Variants in DSCAM observed in about 807,000 individuals in gnomAD.
The protein encoded by DSCAM is DS cell adhesion molecule.
Under a neutral mutation model 217.7 loss-of-function variants are expected in DSCAM, and 47 were observed. That is an observed-to-expected ratio of 0.22 (90% CI 0.17 to 0.28). The LOEUF (loss-of-function observed/expected upper bound fraction) is 0.28, where lower values mean the gene tolerates loss of function less well. Ranked by LOEUF, DSCAM falls within the 10% of genes least tolerant of loss-of-function variation. The pLI, the probability that DSCAM is intolerant of heterozygous loss-of-function variation, is 1.00. For missense variants in DSCAM, 2,080 were observed against 2,618.3 expected, an observed-to-expected ratio of 0.79 and a Z score of 4.49; for synonymous variants, 1,056 against 1,015.3, an observed-to-expected ratio of 1.04 and a Z score of -0.76.
intron 9 of DSCAM, among the ~76,000 whole-genome samples, chr21:40,298,361 G>T (rs545841966): frequency 6.6e-6 from 1 of 152,040 alleles, no homozygotes; most frequent in East Asian, 1.9e-4. Flanking sequence ...GATTACAGGC[G>T]TGAGCCACTG....
chr21:40,147,310 T>TG (rs920064920), intron 16 of DSCAM, among the ~76,000 whole-genome samples: 24 of 152,278 alleles, frequency 1.6e-4, no homozygotes, highest in Admixed American at 4.6e-4. Context: ...TCCTCCAGTT[T>TG]GGGGGGATTA....
intron 16 of DSCAM, among the ~76,000 whole-genome samples, chr21:40,149,891 G>C (rs182672691): frequency 1.5e-5 from 2 of 137,212 alleles, no homozygotes; most frequent in African/African-American, 2.9e-5. Context: ...TCACTATAAC[G>C]ACAACCATCC....
intron 3 of DSCAM, among the ~76,000 whole-genome samples, chr21:40,433,144 G>A (rs1716822708): frequency 1.3e-5 from 2 of 151,986 alleles, no homozygotes; most frequent in African/African-American, 4.8e-5. Context: ...GAATCACGAG[G>A]TCAGAAGATA....
rs140440102 is a variant in DSCAM, at chr21:40,814,013, G to A, written c.43+32606C>T. 2.8e-3 allele frequency among the ~76,000 whole-genome samples: 430 copies of A among 152,280 alleles called. 2 individuals carry two copies. The highest frequency in any genetic ancestry group is 5.0e-3 in the Non-Finnish European group (341 of 68,034). ...GGGTATGAGGCAGGCTCGATTCCCT[G>A]AATCTTTTGGTCTCTTGCAGTTTTC... On this transcript the variant is annotated intron_variant, in intron 1 of 32. Coordinates refer to ENST00000400454, the MANE Select transcript of DSCAM (RefSeq NM_001389.5).
At chr21:40,745,637 G>A (rs892332831) in intron 1 of DSCAM, among the ~76,000 whole-genome samples, 5 of 152,132 alleles carry the variant, frequency 3.3e-5, no homozygotes, top group Admixed American at 3.3e-4. Context: ...CATCAGATCT[G>A]TCTTACAAGA....
chr21:40,200,169 C>T (rs900064739), intron 11 of DSCAM, among the ~76,000 whole-genome samples: 10 of 152,140 alleles, frequency 6.6e-5, no homozygotes, highest in African/African-American at 2.2e-4. Flanking sequence ...AGGAGACTCC[C>T]CATAAAGTCC....
chr21:40,298,059 T>C (rs959234877), intron 9 of DSCAM, among the ~76,000 whole-genome samples: 1 of 151,676 alleles, frequency 6.6e-6, no homozygotes. Context: ...ATTAATTTAG[T>C]AAATGCAGGT....
intron 32 of DSCAM, among the ~76,000 whole-genome samples, chr21:40,026,041 G>A (rs1306848781): frequency 1.4e-5 from 2 of 141,478 alleles, no homozygotes; most frequent in Non-Finnish European, 3.2e-5. Flanking sequence ...ACACTGCTTT[G>A]AATGCGTCCC....
chr21:40,710,666 A>G (rs867811416), intron 1 of DSCAM, among the ~76,000 whole-genome samples: 1 of 152,188 alleles, frequency 6.6e-6, no homozygotes, highest in South Asian at 2.1e-4. Flanking sequence ...AGGGCCTATA[A>G]CAAGTGTTTC....
chr21:40,044,172 G>A lies in DSCAM; in HGVS notation c.5289C>T (p.Thr1763=). ...TTGGCAGCCTCCAGTCTGTGGTGAG[G>A]GTGTGTGCTGAGATGGTGGGGTGGG... ...NRPHPTISAH[T]LTTDWRLPTP... The change falls in exon 31 of 33, where the codon ACC becomes ACT. Residue 1763 remains threonine (T), a synonymous_variant. Transcript: ENST00000400454. The A allele has an allele frequency of 6.2e-7, 1 of 1,614,178 alleles. No homozygotes were observed. Among genetic ancestry groups the A allele is most frequent in the Non-Finnish European group, 8.5e-7 (1 of 1,180,036 alleles).
intron 14 of DSCAM, among the ~76,000 whole-genome samples, chr21:40,182,670 A>AGGAGGGGGCTACCAGAGAAACCGTGGAC (rs2090831457): frequency 5.9e-5 from 1 of 17,034 alleles, no homozygotes; most frequent in Non-Finnish European, 1.1e-4. Context: ...AACCGTGGAC[A>AGGAGGGGGCTACCAGAGAAACCGTGGAC]GGGGGGGGTT....
rs139501238 is a variant in DSCAM at position 40,210,217 on chromosome 21, G to T, written c.2357-20979C>A. On this transcript the variant is annotated intron_variant, in intron 11 of 32. Transcript: ENST00000400454. ...AAGTTGGATTTCATTCCACCTTCCAGGTTAAACTCACGTCCTACCTCCTCT... is the reference window on the plus strand; with the variant it reads ...AAGTTGGATTTCATTCCACCTTCCATGTTAAACTCACGTCCTACCTCCTCT... Among the ~76,000 whole-genome samples, 1,445 of 152,214 alleles carry T rather than the reference G, an allele frequency of 9.5e-3. 25 individuals are homozygous for T. Among genetic ancestry groups the T allele is most frequent in the African/African-American group, 0.031 (1,299 of 41,520 alleles).
chr21:40,215,940 T>TA (rs5844006), intron 11 of DSCAM, among the ~76,000 whole-genome samples: 145 of 144,150 alleles, frequency 1.0e-3, no homozygotes, highest in South Asian at 1.8e-3. Flanking sequence ...TCTTCTCCTT[T>TA]AAAAAAAAAA....
At chr21:40,119,192 C>T (rs1025399835) in intron 20 of DSCAM, among the ~76,000 whole-genome samples, 1 of 152,188 alleles carries the variant, frequency 6.6e-6, no homozygotes, top group Non-Finnish European at 1.5e-5. Context: ...AACTCAGCAT[C>T]TCTTGATTGA....
intron 3 of DSCAM, among the ~76,000 whole-genome samples, chr21:40,376,447 A>C (rs150293251): frequency 0.012 from 1,492 of 128,518 alleles, 90 homozygotes; most frequent in African/African-American, 0.042. Context: ...TATCTTATAT[A>C]GATATCTATA....
At chr21:40,536,658 G>A (rs964948673) in intron 3 of DSCAM, among the ~76,000 whole-genome samples, 1 of 152,054 alleles carries the variant, frequency 6.6e-6, no homozygotes, top group Non-Finnish European at 1.5e-5. Context: ...CGCCCGCCTT[G>A]GCCTCCCAAA....
intron 16 of DSCAM, among the ~76,000 whole-genome samples, chr21:40,147,099 A>G (rs557138192): frequency 2.0e-5 from 3 of 152,246 alleles, no homozygotes; most frequent in Admixed American, 6.5e-5. Context: ...TCCATTAAAT[A>G]TTCTAATTGT....
chr21:40,327,046 T>C (rs563373826), intron 8 of DSCAM, among the ~76,000 whole-genome samples: 1 of 152,024 alleles, frequency 6.6e-6, no homozygotes, highest in Admixed American at 6.6e-5. Context: ...TTAAACAATT[T>C]ACATGTGTTT....
At chr21:40,469,535 G>C (rs749866519) in intron 3 of DSCAM, among the ~76,000 whole-genome samples, 2 of 152,148 alleles carry the variant, frequency 1.3e-5, no homozygotes, top group Non-Finnish European at 2.9e-5. Flanking sequence ...GGAAATGTTA[G>C]ATGTTTAAAG....
Sources: gnomAD v4.1 joint callset for allele counts (sites outside exome capture counted in the v4.1 genomes callset) on GRCh38, gnomAD v4.1.1 for gene constraint, MANE v1.5 for transcripts, NCBI Gene and HGNC (gene_info 2026-07-23, HGNC 2026-07-21) for gene names.